PPP3CA: variants seen among roughly 807,000 people sequenced by gnomAD.
The protein encoded by PPP3CA is protein phosphatase 3 catalytic subunit alpha, also known as CAM-PRP catalytic subunit.
Under a neutral mutation model 66.5 loss-of-function variants are expected in PPP3CA, and 14 were observed. That is an observed-to-expected ratio of 0.21 (90% confidence interval 0.14 to 0.33). The LOEUF (loss-of-function observed/expected upper bound fraction) is 0.33, where lower values mean the gene tolerates loss of function less well. Ranked by LOEUF, PPP3CA falls within the 10% of genes least tolerant of loss-of-function variation. The pLI is 1.00. For synonymous variants in PPP3CA, 232 were observed against 226.2 expected (o/e 1.03, Z -0.23); for missense variants, 317 against 639.5 (o/e 0.50, Z 5.44).
At chr4:101,182,836 C>G (rs1218986270) in intron 2 of PPP3CA, among the ~76,000 whole-genome samples, 1 of 152,058 alleles carries the variant, frequency 6.6e-6, no homozygotes, top group Non-Finnish European at 1.5e-5. Flanking sequence ...AGTTAAGTCT[C>G]ACGAGATCTG....
intron 10 of PPP3CA, among the ~76,000 whole-genome samples, chr4:101,059,713 A>G (rs1021103837): frequency 2.0e-5 from 3 of 152,156 alleles, no homozygotes; most frequent in Non-Finnish European, 4.4e-5. Flanking sequence ...TAAACTCACC[A>G]TAATATCTAG....
intron 2 of PPP3CA, among the ~76,000 whole-genome samples, chr4:101,193,466 G>A (rs1724682441): frequency 6.6e-6 from 1 of 151,876 alleles, no homozygotes; most frequent in African/African-American, 2.4e-5. Flanking sequence ...AGTCAGCCAT[G>A]TTAGCTGAAA....
At chr4:101,255,051 A>T (rs1428760068) in intron 1 of PPP3CA, among the ~76,000 whole-genome samples, 1 of 151,416 alleles carries the variant, frequency 6.6e-6, no homozygotes, top group East Asian at 1.9e-4. Flanking sequence ...AAAAAAAAAA[A>T]AAAAGAAGCA....
chr4:101,324,281 T>C (rs1343256606), intron 1 of PPP3CA, among the ~76,000 whole-genome samples: 2 of 151,484 alleles, frequency 1.3e-5, no homozygotes, highest in South Asian at 2.1e-4. Context: ...AACTTGACCA[T>C]GGCAACAGGG....
chr4:101,294,161 C>T (rs577276535), intron 1 of PPP3CA, among the ~76,000 whole-genome samples: 3 of 152,148 alleles, frequency 2.0e-5, no homozygotes, highest in Non-Finnish European at 4.4e-5. Context: ...GAGATGGTGG[C>T]TGAGGTCATA....
chr4:101,192,202 T>C (rs1303887329), intron 2 of PPP3CA, among the ~76,000 whole-genome samples: 1 of 152,186 alleles, frequency 6.6e-6, no homozygotes, highest in Non-Finnish European at 1.5e-5. Context: ...ACTAATCAGA[T>C]GTTTTAAAAT....
At chr4:101,037,027 T>C (rs1363026111) in intron 11 of PPP3CA, among the ~76,000 whole-genome samples, 2 of 152,140 alleles carry the variant, frequency 1.3e-5, no homozygotes, top group Non-Finnish European at 2.9e-5. Context: ...TTAAAGGTAT[T>C]AGAGAGCTCA....
At chr4:101,274,492 T>A (rs2110270053) in intron 1 of PPP3CA, among the ~76,000 whole-genome samples, 1 of 152,332 alleles carries the variant, frequency 6.6e-6, no homozygotes, top group Non-Finnish European at 1.5e-5. Flanking sequence ...GATCTGTGAA[T>A]TATTTAGTAA....
chr4:101,091,723 G>T (rs1398429174), intron 6 of PPP3CA, among the ~76,000 whole-genome samples: 3 of 151,512 alleles, frequency 2.0e-5, no homozygotes, highest in Admixed American at 2.0e-4. Context: ...ACAGCTGGAT[G>T]TATTTTACAG....
At chr4:101,156,891 C>T (rs553884270) in intron 2 of PPP3CA, among the ~76,000 whole-genome samples, 65 of 151,994 alleles carry the variant, frequency 4.3e-4, no homozygotes, top group African/African-American at 7.2e-4. Flanking sequence ...GAGTGCAAAA[C>T]GTTATTTTAG....
chr4:101,324,154 G>GGAAGGA (rs1729130998), intron 1 of PPP3CA, among the ~76,000 whole-genome samples: 16 of 66,484 alleles, frequency 2.4e-4, no homozygotes, highest in East Asian at 2.1e-3. Context: ...GGAAGGGAGG[G>GGAAGGA]AGGAAGGAAG....
chr4:101,307,599 G>A (rs1728588121), intron 1 of PPP3CA, among the ~76,000 whole-genome samples: 2 of 152,278 alleles, frequency 1.3e-5, no homozygotes, highest in Admixed American at 6.5e-5. Context: ...ACTATAAAAT[G>A]TAGTTACAAC....
intron 1 of PPP3CA, among the ~76,000 whole-genome samples, chr4:101,237,603 A>G (rs1293353036): frequency 6.6e-6 from 1 of 152,052 alleles, no homozygotes; most frequent in East Asian, 1.9e-4. Flanking sequence ...ATGCACTAGC[A>G]TCTATTACAA....
At chr4:101,068,330 A>G (rs1189088697) in intron 8 of PPP3CA, among the ~76,000 whole-genome samples, 1 of 152,202 alleles carries the variant, frequency 6.6e-6, no homozygotes, top group Admixed American at 6.5e-5. Flanking sequence ...AAAAACTAGC[A>G]TCAGTGTGTT....
At chr4:101,103,908 A>G (rs2110258048) in intron 3 of PPP3CA, among the ~76,000 whole-genome samples, 1 of 152,368 alleles carries the variant, frequency 6.6e-6, no homozygotes, top group Admixed American at 6.5e-5. Context: ...CAAGAGCAGT[A>G]TTTGGTGTAA....
chr4:101,147,814 T>A lies in PPP3CA; in HGVS notation c.260-38736A>T, dbSNP rs1203965158. ...GCTAGCAACAGCCTATACTGTAAAA[T>A]AGCTAATATTTATCAAATTAGAAAC... is the stretch of plus-strand genomic sequence containing the variant. On this transcript the variant is annotated intron_variant, in intron 2 of 13. Transcript: ENST00000394854. Among the ~76,000 whole-genome samples, 3 of 152,116 alleles carry A rather than the reference T, an allele frequency of 2.0e-5. No homozygotes were observed. In the East Asian group the frequency reaches 5.8e-4, roughly 29 times the overall value.
chr4:101,309,290 T>C (rs1728644473), intron 1 of PPP3CA, among the ~76,000 whole-genome samples: 1 of 152,200 alleles, frequency 6.6e-6, no homozygotes, highest in South Asian at 2.1e-4. Flanking sequence ...GTACTTCCTG[T>C]TGCTTCCAGT....
At chr4:101,243,100 A>G (rs961997831) in intron 1 of PPP3CA, among the ~76,000 whole-genome samples, 6 of 152,126 alleles carry the variant, frequency 3.9e-5, no homozygotes, top group Non-Finnish European at 7.4e-5. Context: ...GTAGGACAAA[A>G]CCATTTTCCT....
chr4:101,215,851 A>G (rs1725436326), intron 1 of PPP3CA, among the ~76,000 whole-genome samples: 1 of 152,176 alleles, frequency 6.6e-6, no homozygotes, highest in Non-Finnish European at 1.5e-5. Context: ...TCCATATAGT[A>G]TAAAGATGAA....
Sources: allele counts gnomAD v4.1 joint callset (sites outside exome capture counted in the v4.1 genomes callset), GRCh38; gene constraint gnomAD v4.1.1; transcripts MANE v1.5; gene names NCBI Gene and HGNC (gene_info 2026-07-23, HGNC 2026-07-21).